Variants in EPHB1 observed in about 807,000 individuals in gnomAD.
EPHB1 encodes the protein EPH receptor B1, also known as ephrin type-B receptor 1.
Under a neutral mutation model 94.4 loss-of-function variants are expected in EPHB1, and 30 were observed. That is an observed-to-expected ratio of 0.32 (90% CI 0.24 to 0.43). The LOEUF is 0.43. Among genes scored for constraint, EPHB1 ranks in the 20% least tolerant of loss-of-function variants. EPHB1 has a pLI of 1.00. For synonymous variants in EPHB1, 522 were observed against 489.1 expected, an observed-to-expected ratio of 1.07 and a Z score of -0.89; for missense variants, 1,055 against 1,308.3, an observed-to-expected ratio of 0.81 and a Z score of 2.99.
intron 1 of EPHB1, among the ~76,000 whole-genome samples, chr3:134,867,420 C>T (rs374222006): frequency 5.9e-5 from 9 of 152,264 alleles, no homozygotes; most frequent in African/African-American, 2.2e-4. Flanking sequence ...TGCAGTTAAT[C>T]AGGACATGCT....
At chr3:134,979,081 C>G (rs1256990299) in intron 3 of EPHB1, among the ~76,000 whole-genome samples, 1 of 152,164 alleles carries the variant, frequency 6.6e-6, no homozygotes, top group Non-Finnish European at 1.5e-5. Context: ...TCCAAGGAAA[C>G]AAAATCAAAA....
intron 10 of EPHB1, among the ~76,000 whole-genome samples, chr3:135,184,266 A>G (rs904518614): frequency 2.6e-5 from 4 of 152,186 alleles, no homozygotes; most frequent in African/African-American, 9.7e-5. Flanking sequence ...GCAGTTGTGC[A>G]TGTGAGTGAA....
chr3:135,101,670 C>A (rs149744955), intron 3 of EPHB1, among the ~76,000 whole-genome samples: 2 of 152,260 alleles, frequency 1.3e-5, no homozygotes, highest in East Asian at 3.9e-4. Context: ...GTGTAAGCCA[C>A]CACGCCTGGC....
At position 135,053,023 on chromosome 3, in the gene EPHB1, G is replaced by GTATATA. The variant is rs1419499793; in HGVS notation, c.806-53424_806-53423insATATAT. Among the ~76,000 whole-genome samples the GTATATA allele has an allele frequency of 1.5e-3, 102 of 68,532 alleles. 3 individuals carry two copies. Among genetic ancestry groups the GTATATA allele is most frequent in the Middle Eastern group, 5.9e-3 (1 of 170 alleles). The allele number at this position is 68,532 out of a possible 152,430, so 45.0% of individuals were successfully genotyped here. ...TGTGTGTGTATATATATGTGTGTGT[G>GTATATA]TGTGTATATATATATATATATATAT... On this transcript the variant is annotated intron_variant, in intron 3 of 15. Coordinates refer to ENST00000398015, the MANE Select transcript of EPHB1 (RefSeq NM_004441.5).
chr3:135,239,083 C>T (rs1943718502), intron 12 of EPHB1, among the ~76,000 whole-genome samples: 1 of 152,304 alleles, frequency 6.6e-6, no homozygotes, highest in Middle Eastern at 3.4e-3. Context: ...TAAGCATGCC[C>T]TCCAGGCATT....
chr3:134,941,127 G>A (rs2039108000), intron 2 of EPHB1, among the ~76,000 whole-genome samples: 1 of 152,226 alleles, frequency 6.6e-6, no homozygotes, highest in Admixed American at 6.5e-5. Context: ...CATTCTTAGA[G>A]GAGCGGGCCT....
intron 1 of EPHB1, among the ~76,000 whole-genome samples, chr3:134,894,832 G>A (rs1533391): frequency 0.054 from 8,175 of 152,276 alleles, 271 homozygotes; most frequent in South Asian, 0.12. Context: ...GCTTTGTTCC[G>A]GGAAAACATC....
At chr3:135,158,341 A>C (rs1941415606) in intron 6 of EPHB1, among the ~76,000 whole-genome samples, 1 of 152,216 alleles carries the variant, frequency 6.6e-6, no homozygotes. Flanking sequence ...GTAAAGAACC[A>C]GAAAGTAATT....
At chr3:135,049,413 C>T (rs1052025513) in intron 3 of EPHB1, among the ~76,000 whole-genome samples, 1 of 152,228 alleles carries the variant, frequency 6.6e-6, no homozygotes, top group African/African-American at 2.4e-5. Context: ...GGCTTCTTCA[C>T]TCACAGATCT....
intron 1 of EPHB1, among the ~76,000 whole-genome samples, chr3:134,876,056 G>A (rs763047413): frequency 1.4e-4 from 21 of 152,170 alleles, no homozygotes; most frequent in Non-Finnish European, 2.5e-4. Flanking sequence ...ATGAGAAGAT[G>A]ATGGGGCATA....
At chr3:135,167,869 A>G (rs1373634717) in intron 9 of EPHB1, among the ~76,000 whole-genome samples, 2 of 152,184 alleles carry the variant, frequency 1.3e-5, no homozygotes, top group South Asian at 4.1e-4. Flanking sequence ...GTTGCAAAGT[A>G]AGGCTGGTGC....
At position 135,106,471 on chromosome 3, in the gene EPHB1, G is replaced by T. The variant is rs1939223415; in HGVS notation, c.829G>T (p.Ala277Ser). 7 of 1,613,990 alleles carry T rather than the reference G, an allele frequency of 4.3e-6. No individual in the cohort carries two copies. Among genetic ancestry groups the T allele is most frequent in the Non-Finnish European group, 5.9e-6 (7 of 1,179,904 alleles). ...AGCTTGCCCTGCAGGGACATTCAAG[G>T]CCAGCCAGGAAGCTGAAGGCTGCTC... is the stretch of plus-strand genomic sequence containing the variant. ...CKACPAGTFKASQEAEGCSHC... is the reference protein window; with the variant it reads ...CKACPAGTFKSSQEAEGCSHC... Residue 277 changes from alanine (A) to serine (S), a missense_variant, in exon 4 of 16, where the codon GCC (alanine) becomes TCC (serine). Physicochemically the swap from Ala to Ser is moderately conservative, Grantham distance 99. Transcript: ENST00000398015.
intron 1 of EPHB1, among the ~76,000 whole-genome samples, chr3:134,812,815 G>A (rs571001372): frequency 1.3e-5 from 2 of 152,280 alleles, no homozygotes; most frequent in African/African-American, 4.8e-5. Flanking sequence ...GGTGTCTCAT[G>A]GCATCTCATT....
At chr3:135,112,792 A>T (rs907065966) in intron 4 of EPHB1, among the ~76,000 whole-genome samples, 2 of 151,912 alleles carry the variant, frequency 1.3e-5, no homozygotes, top group African/African-American at 4.8e-5. Flanking sequence ...TCTATCATTG[A>T]TGGACATTTG....
At chr3:135,220,435 A>T (rs1451639668) in intron 12 of EPHB1, among the ~76,000 whole-genome samples, 1 of 152,184 alleles carries the variant, frequency 6.6e-6, no homozygotes, top group Admixed American at 6.5e-5. Flanking sequence ...GAAAAGATCC[A>T]TGTCGACTTC....
chr3:134,859,261 A>T (rs961799581), intron 1 of EPHB1, among the ~76,000 whole-genome samples: 1 of 152,068 alleles, frequency 6.6e-6, no homozygotes, highest in African/African-American at 2.4e-5. Context: ...TCATTGTTTG[A>T]TGGTGACCGA....
intron 3 of EPHB1, among the ~76,000 whole-genome samples, chr3:135,008,855 G>A (rs941726304): frequency 6.6e-6 from 1 of 152,216 alleles, no homozygotes; most frequent in African/African-American, 2.4e-5. Flanking sequence ...GACAACTTCA[G>A]TGTAGTTATT....
At chr3:134,828,806 G>T (rs973855989) in intron 1 of EPHB1, among the ~76,000 whole-genome samples, 1 of 152,176 alleles carries the variant, frequency 6.6e-6, no homozygotes, top group Admixed American at 6.5e-5. Flanking sequence ...TCAGGGCATA[G>T]ACACCTGGAT....
intron 4 of EPHB1, among the ~76,000 whole-genome samples, chr3:135,123,375 A>G (rs2107683901): frequency 6.6e-6 from 1 of 152,342 alleles, no homozygotes; most frequent in South Asian, 2.1e-4. Flanking sequence ...GTTGACCTCC[A>G]CTGCTTTCAG....
Sources: gnomAD v4.1 joint callset for allele counts (sites outside exome capture counted in the v4.1 genomes callset) on GRCh38, gnomAD v4.1.1 for gene constraint, MANE v1.5 for transcripts, NCBI Gene and HGNC (gene_info 2026-07-23, HGNC 2026-07-21) for gene names.